IRAG1: variants seen among roughly 807,000 people sequenced by gnomAD.
IRAG1 encodes the protein IP3R-associated cGMP kinase substrate.
A neutral mutation model predicts 106.2 loss-of-function variants in IRAG1; 62 were observed. That is an observed-to-expected ratio of 0.58 (90% CI 0.48 to 0.72). The LOEUF (loss-of-function observed/expected upper bound fraction) is 0.72. Among genes scored for constraint, IRAG1 ranks in the 30% least tolerant of loss-of-function variants. The pLI is 0.00. For missense variants in IRAG1, 1,064 were observed against 1,140.7 expected (o/e 0.93, Z 0.97); for synonymous variants, 462 against 443.9 (o/e 1.04, Z -0.51).
intron 10 of IRAG1, among the ~76,000 whole-genome samples, chr11:10,612,997 G>A (rs1391571050): frequency 6.6e-6 from 1 of 152,114 alleles, no homozygotes; most frequent in African/African-American, 2.4e-5. Context: ...TTAGAGGAGG[G>A]TGGTAGAGAT....
chr11:10,615,690 C>A (rs1855340929), intron 10 of IRAG1, among the ~76,000 whole-genome samples: 1 of 151,950 alleles, frequency 6.6e-6, no homozygotes, highest in South Asian at 2.1e-4. Context: ...GGACAAAAAA[C>A]CAAACACCGC....
At chr11:10,629,737 G>C in intron 4 of IRAG1, 26 bp from the exon 5 acceptor site, 1 of 1,606,164 alleles carries the variant, frequency 6.2e-7, no homozygotes, top group Non-Finnish European at 8.5e-7. Flanking sequence ...GAGCTGGGGT[G>C]AGAGCCACTG....
At chr11:10,689,380 C>T (rs1397488918) in intron 1 of IRAG1, among the ~76,000 whole-genome samples, 2 of 152,160 alleles carry the variant, frequency 1.3e-5, no homozygotes, top group Admixed American at 1.3e-4. Context: ...GCTTTCTCTC[C>T]TTCATTCAAA....
intron 14 of IRAG1, 147 bp downstream of exon 14, chr11:10,602,973 T>C (rs1854160411): frequency 2.2e-6 from 2 of 918,692 alleles, no homozygotes; most frequent in Non-Finnish European, 3.1e-6. Flanking sequence ...AAAAATACTC[T>C]GAATAATACT....
At position 10,657,157 on chromosome 11, in the gene IRAG1, A is replaced by C. The variant is rs1858989693; in HGVS notation, c.68-4975T>G. On this transcript the variant is annotated intron_variant, in intron 1 of 20. Coordinates refer to ENST00000423302, the MANE Select transcript of IRAG1 (RefSeq NM_130385.4). This position sits in a 1 kb window ranked among gnomAD's most constrained non-coding sequence, Gnocchi z 4.1. ...CGGTTCAGGAACAGAATTTACAGAG[A>C]CTATCTCTTTCAGTGCTGTCAGCAG... Among the ~76,000 whole-genome samples the C allele has an allele frequency of 6.6e-6, 1 of 152,148 alleles. No individual in the cohort carries two copies. Among genetic ancestry groups the C allele is most frequent in the African/African-American group, 2.4e-5 (1 of 41,418 alleles).
At chr11:10,596,299 C>G (rs576948874) in intron 15 of IRAG1, among the ~76,000 whole-genome samples, 11 of 152,316 alleles carry the variant, frequency 7.2e-5, no homozygotes, top group African/African-American at 2.6e-4. Flanking sequence ...TGCATGGTAT[C>G]TTAGCCATCT....
At chr11:10,634,194 AG>A (rs1468456226) in intron 2 of IRAG1, 123 bp from the exon 3 acceptor site, 1 of 519,312 alleles carries the variant, frequency 1.9e-6, no homozygotes. Flanking sequence ...GGACAAATGC[AG>A]TTTACTCTTT....
intron 2 of IRAG1, among the ~76,000 whole-genome samples, chr11:10,641,638 A>C (rs1309790704): frequency 2.0e-5 from 3 of 152,082 alleles, no homozygotes; most frequent in African/African-American, 7.2e-5. Context: ...GTGTTTTCTC[A>C]CCGAATCCTC....
At chr11:10,629,021 G>A (rs1415530201) in intron 5 of IRAG1, among the ~76,000 whole-genome samples, 193 bp from the exon 6 acceptor site, 1 of 152,046 alleles carries the variant, frequency 6.6e-6, no homozygotes, top group African/African-American at 2.4e-5. Flanking sequence ...AGAGATGGGT[G>A]CCCTCAGGCC....
intron 1 of IRAG1, among the ~76,000 whole-genome samples, chr11:10,680,524 A>AAAGGAAGAAAGGAAGAAAGGAAGG (rs1554935785): frequency 2.2e-5 from 3 of 139,034 alleles, no homozygotes; most frequent in South Asian, 2.4e-4. Context: ...AGAAAGGAAG[A>AAAGGAAGAAAGGAAGAAAGGAAGG]AAGGAAGGAA....
At chr11:10,583,522 T>C (rs1034410373) in intron 18 of IRAG1, among the ~76,000 whole-genome samples, 2 of 152,030 alleles carry the variant, frequency 1.3e-5, no homozygotes, top group Non-Finnish European at 2.9e-5. Flanking sequence ...CTGTGTAATG[T>C]TGGGAGCCAA....
chr11:10,577,796 G>T (rs1320905368), intron 20 of IRAG1, among the ~76,000 whole-genome samples: 1 of 152,194 alleles, frequency 6.6e-6, no homozygotes, highest in Non-Finnish European at 1.5e-5. Flanking sequence ...AGAGAACATT[G>T]ACAGGTTTCC....
At chr11:10,588,341 C>CTT (rs368074962) in intron 18 of IRAG1, among the ~76,000 whole-genome samples, 3 of 146,230 alleles carry the variant, frequency 2.1e-5, no homozygotes, top group African/African-American at 7.5e-5. Flanking sequence ...TAGAGGGAAA[C>CTT]TTTTTTTTTT....
At chr11:10,633,861 T>A (rs1856930548) in intron 3 of IRAG1, 107 bp downstream of exon 3, 2 of 621,362 alleles carry the variant, frequency 3.2e-6, no homozygotes, top group East Asian at 6.3e-5. Context: ...GTTTAGTCAA[T>A]AAAATGATAC....
chr11:10,608,268 G>A (rs1313455997), intron 11 of IRAG1, among the ~76,000 whole-genome samples: 1 of 152,088 alleles, frequency 6.6e-6, no homozygotes, highest in African/African-American at 2.4e-5. Flanking sequence ...GGGACTATGG[G>A]TGCATGCCAC....
At chr11:10,662,324 T>A (rs1425823341) in intron 1 of IRAG1, among the ~76,000 whole-genome samples, 6 of 152,176 alleles carry the variant, frequency 3.9e-5, no homozygotes, top group Non-Finnish European at 7.4e-5. Context: ...CTCATTGAGC[T>A]TCCCCAGGTT....
chr11:10,576,351 T>C lies in IRAG1; in HGVS notation c.2720A>G (p.Glu907Gly), dbSNP rs1163978690. The C allele has an allele frequency of 4.3e-6, 7 of 1,613,776 alleles. No homozygotes were observed. Among genetic ancestry groups the C allele is most frequent in the Non-Finnish European group, 5.9e-6 (7 of 1,179,856 alleles). Reference protein sequence around the residue: ...DSWWSSGLQHEQPTEQ With the variant: ...DSWWSSGLQHGQPTEQ ...GGTTTCCTACTGCTCTGTAGGCTGC[T>C]CATGCTGGAGTCCTGAGCTCCACCA... is the stretch of plus-strand genomic sequence containing the variant. Residue 907 changes from glutamate (E) to glycine (G), a missense_variant, in exon 21 of 21, where the codon GAG becomes GGG. Coordinates refer to ENST00000423302, the MANE Select transcript of IRAG1 (RefSeq NM_130385.4).
chr11:10,691,933 T>G (rs1029297199), intron 1 of IRAG1, among the ~76,000 whole-genome samples: 1 of 152,162 alleles, frequency 6.6e-6, no homozygotes, highest in Non-Finnish European at 1.5e-5. Context: ...GTGGAAAGAA[T>G]GACCCCTGCT....
Position 10,575,329 on chromosome 11 carries a change from A to C in IRAG1, c.*1003T>G, listed in dbSNP as rs150478414. On this transcript the variant is annotated 3_prime_UTR_variant, in exon 21 of 21. Transcript: ENST00000423302. ...ACACAGAGTAAGAGACTGAAGCAGA[A>C]AGCACATCTTCTCTCCTCATTCACC... 7.9e-5 allele frequency: 12 copies of C among 152,376 alleles called. No individual in the cohort carries two copies. Among genetic ancestry groups the C allele is most frequent in the African/African-American group, 2.6e-4 (11 of 41,586 alleles). 9.4% of individuals were successfully genotyped at this position (152,376 alleles called of 1,614,324 possible).
Sources: allele counts gnomAD v4.1 joint callset (sites outside exome capture counted in the v4.1 genomes callset), GRCh38; gene constraint gnomAD v4.1.1; non-coding constraint Gnocchi (gnomAD v3.1); transcripts MANE v1.5; gene names NCBI Gene and HGNC (gene_info 2026-07-23, HGNC 2026-07-21).